The following NRCAM variants were observed in gnomAD, a reference collection of about 807,000 sequenced individuals.
The protein encoded by NRCAM is neuronal cell adhesion molecule, also known as NgCAM-related cell adhesion molecule.
Under a neutral mutation model 156.5 loss-of-function variants are expected in NRCAM, and 83 were observed. The observed-to-expected ratio is 0.53, with a 90% confidence interval of 0.44 to 0.64. NRCAM has a LOEUF of 0.64. Ranked by LOEUF, NRCAM falls within the 30% of genes least tolerant of loss-of-function variation. NRCAM has a pLI of 0.00. For synonymous variants in NRCAM, 538 were observed against 563.9 expected, an observed-to-expected ratio of 0.95 and a Z score of 0.65; for missense variants, 1,417 against 1,597.3, an observed-to-expected ratio of 0.89 and a Z score of 1.92.
At chr7:108,156,103 T>C (rs983328369) in intron 32 of NRCAM, among the ~76,000 whole-genome samples, 4 of 152,126 alleles carry the variant, frequency 2.6e-5, no homozygotes, top group African/African-American at 9.7e-5. Flanking sequence ...ACCCACTCGC[T>C]AAAAGTCCAT....
chr7:108,291,456 G>C (rs747810782), intron 3 of NRCAM, among the ~76,000 whole-genome samples: 6 of 152,124 alleles, frequency 3.9e-5, no homozygotes, highest in African/African-American at 9.7e-5. Flanking sequence ...TAACAACATA[G>C]AAAAAGACAA....
intron 7 of NRCAM, among the ~76,000 whole-genome samples, chr7:108,231,612 T>C (rs1210055269): frequency 1.3e-5 from 2 of 152,200 alleles, no homozygotes; most frequent in Admixed American, 6.5e-5. Flanking sequence ...GGTTGTAAGA[T>C]AGTATTTCAG....
intron 2 of NRCAM, among the ~76,000 whole-genome samples, chr7:108,327,798 C>A (rs1342687735): frequency 1.3e-5 from 2 of 152,188 alleles, no homozygotes; most frequent in Non-Finnish European, 2.9e-5. Context: ...GGGAAACTCT[C>A]AAGTTAGTGC....
chr7:108,364,645 A>T (rs2154329163), intron 2 of NRCAM, among the ~76,000 whole-genome samples: 1 of 152,274 alleles, frequency 6.6e-6, no homozygotes, highest in South Asian at 2.1e-4. Context: ...AAAATGTGGC[A>T]TATATCCATA....
chr7:108,289,386 G>A (rs2098215199), intron 3 of NRCAM, among the ~76,000 whole-genome samples: 1 of 152,094 alleles, frequency 6.6e-6, no homozygotes, highest in Non-Finnish European at 1.5e-5. Flanking sequence ...TCATCGTGTG[G>A]TGAAAATACT....
intron 3 of NRCAM, among the ~76,000 whole-genome samples, chr7:108,259,723 C>T (rs1002829728): frequency 1.3e-5 from 2 of 152,192 alleles, no homozygotes; most frequent in Admixed American, 6.5e-5. Flanking sequence ...AGCCATTATC[C>T]TCAGTAAACT....
At chr7:108,202,566 C>A (rs1287518489) in intron 13 of NRCAM, among the ~76,000 whole-genome samples, 1 of 152,170 alleles carries the variant, frequency 6.6e-6, no homozygotes, top group South Asian at 2.1e-4. Flanking sequence ...GAACACATTT[C>A]TGGGAGAAGA....
chr7:108,169,106 A>G (rs555268073), intron 28 of NRCAM, among the ~76,000 whole-genome samples: 3 of 152,326 alleles, frequency 2.0e-5, no homozygotes, highest in African/African-American at 7.2e-5. Context: ...TTTCCTAGAG[A>G]GCAAGACAAT....
chr7:108,155,127 C>T (rs2044469990), intron 32 of NRCAM, among the ~76,000 whole-genome samples: 1 of 147,706 alleles, frequency 6.8e-6, no homozygotes, highest in Non-Finnish European at 1.5e-5. Context: ...CACACACACA[C>T]ACACACACAC....
chr7:108,237,475 T>C (rs536665900), intron 5 of NRCAM, among the ~76,000 whole-genome samples: 8 of 152,310 alleles, frequency 5.3e-5, no homozygotes, highest in South Asian at 2.1e-4. Context: ...AATTTTCTCA[T>C]TGAGTTACAT....
At chr7:108,224,545 C>G (rs1461887637) in intron 10 of NRCAM, among the ~76,000 whole-genome samples, 1 of 152,078 alleles carries the variant, frequency 6.6e-6, no homozygotes, top group Non-Finnish European at 1.5e-5. Flanking sequence ...CTTTCCAAAA[C>G]ATAGCCTTAT....
chr7:108,286,571 T>C (rs1052794984), intron 3 of NRCAM, among the ~76,000 whole-genome samples: 11 of 152,192 alleles, frequency 7.2e-5, no homozygotes, highest in Non-Finnish European at 1.6e-4. Flanking sequence ...ATGATTAACA[T>C]GTATCAGCCA....
chr7:108,190,110 A>T (rs1242525000), intron 19 of NRCAM, among the ~76,000 whole-genome samples: 2 of 152,262 alleles, frequency 1.3e-5, no homozygotes, highest in Non-Finnish European at 2.9e-5. Flanking sequence ...AAATAGAGAA[A>T]GCAACTGCTG....
intron 3 of NRCAM, among the ~76,000 whole-genome samples, chr7:108,261,084 C>T (rs551287028): frequency 3.3e-5 from 5 of 152,208 alleles, no homozygotes; most frequent in Admixed American, 6.5e-5. Flanking sequence ...CAGAAAGGGG[C>T]TGAAAACAAA....
At chr7:108,169,748 C>T (rs1434124628) in intron 28 of NRCAM, among the ~76,000 whole-genome samples, 3 of 152,060 alleles carry the variant, frequency 2.0e-5, no homozygotes, top group Non-Finnish European at 4.4e-5. Flanking sequence ...TATGATCAAT[C>T]AATGACAGTA....
At position 108,191,823 on chromosome 7, in the gene NRCAM, T is replaced by C; in HGVS notation, c.1809A>G (p.Val603=). The change falls in exon 18 of 33, where the codon GTA becomes GTG. Residue 603 remains valine, a synonymous_variant. Coordinates refer to ENST00000379028, the MANE Select transcript of NRCAM (RefSeq NM_001037132.4). ...RFTVDKDHLV[V]ADVSDDDSGT... ...CGCTGTCATCGTCACTGACATCAGC[T>C]ACCACTAGATGATCCTTGTCAACAG... 6.2e-7 allele frequency: 1 copy of C among 1,613,796 alleles called. No individual in the cohort carries two copies.
At chr7:108,242,688 A>C (rs1377457768) in intron 3 of NRCAM, among the ~76,000 whole-genome samples, 1 of 152,208 alleles carries the variant, frequency 6.6e-6, no homozygotes. Flanking sequence ...AAAATGGTTT[A>C]TTTGTCTGAT....
chr7:108,428,456 C>T (rs1312347445), intron 1 of NRCAM, among the ~76,000 whole-genome samples: 1 of 152,094 alleles, frequency 6.6e-6, no homozygotes, highest in Non-Finnish European at 1.5e-5. Context: ...GAGTAGAGAG[C>T]GAGGGCTCTG....
intron 2 of NRCAM, among the ~76,000 whole-genome samples, chr7:108,330,607 A>G (rs1259465139): frequency 6.6e-6 from 1 of 152,108 alleles, no homozygotes; most frequent in Non-Finnish European, 1.5e-5. Flanking sequence ...CTCACAATCT[A>G]TCAATGAATC....
Sources: allele counts gnomAD v4.1 joint callset (sites outside exome capture counted in the v4.1 genomes callset), GRCh38; gene constraint gnomAD v4.1.1; transcripts MANE v1.5; gene names NCBI Gene and HGNC (gene_info 2026-07-23, HGNC 2026-07-21).